PRKAG2: variants seen among roughly 807,000 people sequenced by gnomAD.
PRKAG2 encodes 5'-AMP-activated protein kinase subunit gamma-2.
A neutral mutation model predicts 69.6 loss-of-function variants in PRKAG2; 26 were observed. The ratio of observed to expected loss-of-function variants is 0.37; its 90% CI spans 0.27 to 0.52. PRKAG2 has a LOEUF of 0.52. Ranked by LOEUF, PRKAG2 falls within the 20% of genes least tolerant of loss-of-function variation. The probability of loss-of-function intolerance (pLI) is 0.90; values close to 1 mark genes in which losing one functional copy is unlikely to be tolerated. For synonymous variants in PRKAG2, 293 were observed against 285.0 expected (o/e 1.03, Z -0.28); for missense variants, 557 against 740.0 (o/e 0.75, Z 2.87).
At chr7:151,759,157 T>C (rs370727762) in intron 3 of PRKAG2, among the ~76,000 whole-genome samples, 1 of 152,178 alleles carries the variant, frequency 6.6e-6, no homozygotes, top group Non-Finnish European at 1.5e-5. Context: ...TCTGGCCACA[T>C]TGACCAGCTC....
chr7:151,745,389 C>G (rs2074212001), intron 3 of PRKAG2, among the ~76,000 whole-genome samples: 1 of 152,202 alleles, frequency 6.6e-6, no homozygotes, highest in African/African-American at 2.4e-5. Context: ...TCTGAGATCG[C>G]CACGTCGCCT....
At chr7:151,631,916 C>G (rs1585367292) in intron 5 of PRKAG2, 153 bp downstream of exon 5, 1 of 786,118 alleles carries the variant, frequency 1.3e-6, no homozygotes, top group Non-Finnish European at 1.7e-6. Context: ...CCCGCATCCC[C>G]GCCCCGGTTC....
At chr7:151,778,771 T>A (rs183605957) in intron 3 of PRKAG2, among the ~76,000 whole-genome samples, 249 of 152,320 alleles carry the variant, frequency 1.6e-3, no homozygotes, top group Admixed American at 3.6e-3. Flanking sequence ...TACCAATAAG[T>A]GAAGCTAGTC....
intron 4 of PRKAG2, among the ~76,000 whole-genome samples, chr7:151,633,554 T>A (rs1825190886): frequency 6.6e-6 from 1 of 151,816 alleles, no homozygotes; most frequent in Admixed American, 6.6e-5. Flanking sequence ...GTGAGTTTGG[T>A]AAGGTCATAG....
At position 151,632,047 on chromosome 7, in the gene PRKAG2, G is replaced by T; in HGVS notation, c.754+22C>A. On this transcript the variant is annotated intron_variant, in intron 5 of 15. Transcript: ENST00000287878. The surrounding 1 kb of genome is among the most constrained non-coding windows in gnomAD (Gnocchi z 4.2). ...GCCGGGCCGTGGGAGCGCCGGGCCG[G>T]CAGCGGGCGGGGCGCACTCACCTTC... 4 of 1,350,492 alleles carry T rather than the reference G, an allele frequency of 3.0e-6. No homozygotes were observed. The highest frequency in any genetic ancestry group is 3.9e-6 in the Non-Finnish European group (4 of 1,038,470). 83.7% of individuals were successfully genotyped at this position (1,350,492 alleles called of 1,614,324 possible).
intron 1 of PRKAG2, among the ~76,000 whole-genome samples, chr7:151,816,936 G>C (rs1270315145): frequency 1.3e-5 from 2 of 152,316 alleles, no homozygotes; most frequent in African/African-American, 2.4e-5. Context: ...TGCTACGCTT[G>C]GAGACCAGCG....
chr7:151,608,259 G>A (rs1817982277), intron 5 of PRKAG2, among the ~76,000 whole-genome samples: 1 of 152,166 alleles, frequency 6.6e-6, no homozygotes, highest in Non-Finnish European at 1.5e-5. Context: ...GAACTACAAG[G>A]AAATAAACTT....
chr7:151,800,154 G>A (rs1327364773), intron 1 of PRKAG2, among the ~76,000 whole-genome samples: 1 of 151,798 alleles, frequency 6.6e-6, no homozygotes, highest in African/African-American at 2.4e-5. Context: ...TCAGGAGATC[G>A]AGACCATCCT....
At chr7:151,769,651 C>T (rs531921453) in intron 3 of PRKAG2, among the ~76,000 whole-genome samples, 65 of 152,342 alleles carry the variant, frequency 4.3e-4, no homozygotes, top group African/African-American at 1.5e-3. Flanking sequence ...GGAATCCGGG[C>T]AGCTTAGGCC....
At chr7:151,635,532 T>TA (rs1825582629) in intron 4 of PRKAG2, among the ~76,000 whole-genome samples, 1 of 152,134 alleles carries the variant, frequency 6.6e-6, no homozygotes, top group East Asian at 1.9e-4. Flanking sequence ...TACTGACACA[T>TA]ACAACAACTT....
chr7:151,707,229 AC>A (rs1838782605), intron 3 of PRKAG2, among the ~76,000 whole-genome samples: 1 of 152,158 alleles, frequency 6.6e-6, no homozygotes, highest in African/African-American at 2.4e-5. Context: ...TCCAGGCTAG[AC>A]GGCATCCTGG....
intron 3 of PRKAG2, among the ~76,000 whole-genome samples, chr7:151,710,322 C>T (rs971380933): frequency 2.0e-5 from 3 of 152,162 alleles, no homozygotes; most frequent in Non-Finnish European, 4.4e-5. Flanking sequence ...CCCCAGCTGC[C>T]GAGGCTTCGC....
intron 4 of PRKAG2, among the ~76,000 whole-genome samples, chr7:151,650,315 A>G (rs570991841): frequency 6.6e-6 from 1 of 151,560 alleles, no homozygotes; most frequent in Non-Finnish European, 1.5e-5. Flanking sequence ...AAAAAAAAAA[A>G]TTTAGAAGAA....
chr7:151,705,068 A>G (rs569655936), intron 3 of PRKAG2, among the ~76,000 whole-genome samples: 5 of 152,372 alleles, frequency 3.3e-5, no homozygotes, highest in African/African-American at 1.2e-4. Context: ...CAAATGCTGA[A>G]CACATTTTTG....
rs1272398182 is a variant in PRKAG2 at position 151,614,270 on chromosome 7, GC to G, written c.754+17798del. On this transcript the variant is annotated intron_variant, in intron 5 of 15. Transcript: ENST00000287878. The surrounding 1 kb of genome is among the most constrained non-coding windows in gnomAD (Gnocchi z 4.4). ...CTCAGATCTGAGGGTATCCTCAGGA[GC>G]TCGCAGGGGACATGGGGCAGGGGCT... Among the ~76,000 whole-genome samples the G allele has an allele frequency of 6.6e-6, 1 of 152,134 alleles. No homozygotes were observed. The highest frequency in any genetic ancestry group is 1.5e-5 in the Non-Finnish European group (1 of 68,012).
At chr7:151,869,504 C>T (rs2080162014) in intron 1 of PRKAG2, among the ~76,000 whole-genome samples, 1 of 152,224 alleles carries the variant, frequency 6.6e-6, no homozygotes, top group African/African-American at 2.4e-5. Context: ...GAGGACGAGG[C>T]AGCTCCAAGG....
At chr7:151,626,807 A>G (rs1475604151) in intron 5 of PRKAG2, among the ~76,000 whole-genome samples, 1 of 144,132 alleles carries the variant, frequency 6.9e-6, no homozygotes, top group African/African-American at 3.0e-5. Context: ...TTTTTTATAC[A>G]TTCTCCCCCA....
In PRKAG2 at chr7:151,876,970, T is replaced by G; in HGVS notation, c.-350A>C. ...AAACATTTTCCACCCTCTCGGCTCC[T>G]CCCACAGATTCCCAGAGGTAATCTG... On this transcript the variant is annotated 5_prime_UTR_variant, in exon 1 of 16. Coordinates refer to ENST00000287878, the MANE Select transcript of PRKAG2 (RefSeq NM_016203.4). The G allele has an allele frequency of 2.6e-6, 1 of 378,728 alleles. No homozygotes were observed. Among genetic ancestry groups the G allele is most frequent in the Non-Finnish European group, 5.0e-6 (1 of 199,468 alleles). 23.5% of individuals were successfully genotyped at this position (378,728 alleles called of 1,614,324 possible).
chr7:151,617,266 A>AGGAGGGAG (rs144872514), intron 5 of PRKAG2, among the ~76,000 whole-genome samples: 64,856 of 95,900 alleles, frequency 0.68, 23,103 homozygotes, highest in East Asian at 0.95. Flanking sequence ...GAGCGAGGGA[A>AGGAGGGAG]GGAGGGAGGG....
Sources: gnomAD v4.1 joint callset for allele counts (sites outside exome capture counted in the v4.1 genomes callset) on GRCh38, gnomAD v4.1.1 for gene constraint, Gnocchi (gnomAD v3.1) non-coding constraint, MANE v1.5 for transcripts, NCBI Gene and HGNC (gene_info 2026-07-23, HGNC 2026-07-21) for gene names.